Variants in PRKN observed in about 807,000 individuals in gnomAD.
PRKN encodes E3 ubiquitin-protein ligase parkin.
A neutral mutation model predicts 59.5 loss-of-function variants in PRKN; 56 were observed. The ratio of observed to expected loss-of-function variants is 0.94; its 90% CI spans 0.76 to 1.18. PRKN has a LOEUF of 1.18. PRKN is among the 50% of genes most tolerant of loss of function. The pLI is 0.00. For synonymous variants in PRKN, 250 were observed against 222.1 expected (o/e 1.13, Z -1.12); for missense variants, 657 against 596.4 (o/e 1.10, Z -1.06).
intron 3 of PRKN, among the ~76,000 whole-genome samples, chr6:162,206,787 G>T (rs1784961902): frequency 6.6e-6 from 1 of 152,074 alleles, no homozygotes; most frequent in Non-Finnish European, 1.5e-5. Context: ...GTATTTCTGG[G>T]TGCTGGCCTT....
At position 161,349,420 on chromosome 6, in the gene PRKN, T is replaced by G. The variant is rs1784436347; in HGVS notation, c.*679A>C. ...CAACATTCAAATTAACTTTCATAAT[T>G]TCTCACTTTGTGACAAGTTGATTTA... is the stretch of plus-strand genomic sequence containing the variant. On this transcript the variant is annotated 3_prime_UTR_variant, in exon 12 of 12. Coordinates refer to ENST00000366898, the MANE Select transcript of PRKN (RefSeq NM_004562.3). This position sits in a 1 kb window ranked among gnomAD's most constrained non-coding sequence, Gnocchi z 5.5. 1 of 231,878 alleles carries G rather than the reference T, an allele frequency of 4.3e-6. No homozygotes were observed. 14.4% of individuals were successfully genotyped at this position (231,878 alleles called of 1,614,324 possible).
intron 1 of PRKN, among the ~76,000 whole-genome samples, chr6:162,524,089 T>C (rs1252030171): frequency 2.0e-5 from 3 of 152,126 alleles, no homozygotes; most frequent in Non-Finnish European, 4.4e-5. Flanking sequence ...TATCCTATGG[T>C]TCTTTTGAGG....
chr6:161,844,008 G>A (rs536808649), intron 6 of PRKN, among the ~76,000 whole-genome samples: 3 of 152,142 alleles, frequency 2.0e-5, no homozygotes, highest in South Asian at 2.1e-4. Context: ...TTCTGCCTAC[G>A]TGAAGATGCA....
intron 5 of PRKN, among the ~76,000 whole-genome samples, chr6:162,001,412 G>A (rs1036232018): frequency 1.3e-5 from 2 of 152,034 alleles, no homozygotes; most frequent in African/African-American, 4.8e-5. Context: ...TTTTAGAGGA[G>A]CTAATATGTT....
At chr6:161,994,518 A>G (rs111868044) in intron 5 of PRKN, among the ~76,000 whole-genome samples, 3,400 of 152,282 alleles carry the variant, frequency 0.022, 64 homozygotes, top group Middle Eastern at 0.041. Flanking sequence ...ACTGGAAAAA[A>G]GAAAGTCAAG....
intron 4 of PRKN, among the ~76,000 whole-genome samples, chr6:162,057,538 AC>A (rs1238246572): frequency 2.0e-5 from 3 of 152,232 alleles, no homozygotes. Context: ...AAGAAATGAT[AC>A]CTACGACCTT....
chr6:162,495,224 C>T (rs1793004038), intron 1 of PRKN, among the ~76,000 whole-genome samples: 2 of 152,096 alleles, frequency 1.3e-5, no homozygotes, highest in South Asian at 4.1e-4. Flanking sequence ...ATATCAAAAC[C>T]ATACTTCTTA....
intron 3 of PRKN, among the ~76,000 whole-genome samples, chr6:162,235,510 A>C (rs1778615214): frequency 6.6e-6 from 1 of 152,152 alleles, no homozygotes; most frequent in South Asian, 2.1e-4. Flanking sequence ...ATGAAAATTA[A>C]AGAAATACTC....
chr6:161,524,607 T>C (rs1778953097), intron 9 of PRKN, among the ~76,000 whole-genome samples: 1 of 152,084 alleles, frequency 6.6e-6, no homozygotes, highest in South Asian at 2.1e-4. Context: ...CCAAAAATAG[T>C]TTAAATTGAA....
intron 7 of PRKN, among the ~76,000 whole-genome samples, chr6:161,733,976 A>G (rs1787859216): frequency 7.2e-6 from 1 of 139,330 alleles, no homozygotes; most frequent in Non-Finnish European, 1.5e-5. Flanking sequence ...ACACACACAC[A>G]CACACACACA....
chr6:162,690,060 C>G (rs1330362254), intron 1 of PRKN, among the ~76,000 whole-genome samples: 1 of 46,934 alleles, frequency 2.1e-5, no homozygotes, highest in East Asian at 1.2e-3. Context: ...GATTTATTTT[C>G]TTGAAGATAT....
intron 7 of PRKN, among the ~76,000 whole-genome samples, chr6:161,574,000 G>C (rs1337159395): frequency 6.6e-6 from 1 of 151,492 alleles, no homozygotes; most frequent in African/African-American, 2.4e-5. Context: ...ATGATAGCTC[G>C]TATATAAACA....
At chr6:161,940,176 G>A (rs974783137) in intron 6 of PRKN, among the ~76,000 whole-genome samples, 4 of 152,032 alleles carry the variant, frequency 2.6e-5, no homozygotes, top group South Asian at 2.1e-4. Context: ...GATTATAGGC[G>A]TGAGCCACCA....
intron 7 of PRKN, among the ~76,000 whole-genome samples, chr6:161,603,092 C>T (rs1344661902): frequency 6.6e-6 from 1 of 152,156 alleles, no homozygotes; most frequent in Non-Finnish European, 1.5e-5. Flanking sequence ...AGAATCACAA[C>T]ATTAAGGGTT....
chr6:162,587,841 T>G (rs148010345), intron 1 of PRKN, among the ~76,000 whole-genome samples: 2 of 152,118 alleles, frequency 1.3e-5, no homozygotes, highest in Admixed American at 6.5e-5. Flanking sequence ...CTTTACTCAT[T>G]TGAATTATCA....
chr6:162,564,314 C>T (rs1191743634), intron 1 of PRKN, among the ~76,000 whole-genome samples: 1 of 151,552 alleles, frequency 6.6e-6, no homozygotes, highest in Non-Finnish European at 1.5e-5. Flanking sequence ...CACTGCACTC[C>T]AGCCTGGCAA....
At chr6:162,451,398 G>A (rs1366060823) in intron 1 of PRKN, among the ~76,000 whole-genome samples, 2 of 149,204 alleles carry the variant, frequency 1.3e-5, no homozygotes, top group African/African-American at 2.5e-5. Flanking sequence ...TGCAATGAGT[G>A]GAAAGATATG....
intron 2 of PRKN, among the ~76,000 whole-genome samples, chr6:162,332,351 T>C (rs1024737100): frequency 5.3e-5 from 8 of 152,194 alleles, no homozygotes; most frequent in Admixed American, 5.2e-4. Context: ...AGGAGCAGTG[T>C]CAACACAGCA....
chr6:161,917,509 G>A lies in PRKN; in HGVS notation c.734+55793C>T, dbSNP rs2128238287. On this transcript the variant is annotated intron_variant, in intron 6 of 11. Coordinates refer to ENST00000366898, the MANE Select transcript of PRKN (RefSeq NM_004562.3). ...AGCAATTTTGGCATTAATATTTGTG[G>A]TAGTAATAAGGTTTTACATGATGGA... 1.3e-5 allele frequency among the ~76,000 whole-genome samples: 2 copies of A among 152,216 alleles called. 1 individual carries two copies. The highest frequency in any genetic ancestry group is 4.1e-4 in the South Asian group (2 of 4,826).
Sources: gnomAD v4.1 joint callset for allele counts (sites outside exome capture counted in the v4.1 genomes callset) on GRCh38, gnomAD v4.1.1 for gene constraint, Gnocchi (gnomAD v3.1) non-coding constraint, MANE v1.5 for transcripts, NCBI Gene and HGNC (gene_info 2026-07-23, HGNC 2026-07-21) for gene names.